Variants in CADM2 observed in about 807,000 individuals in gnomAD.
CADM2 encodes the protein cell adhesion molecule 2.
CADM2 carries 12 observed loss-of-function variants against 49.8 expected under a neutral mutation model. The observed-to-expected ratio is 0.24, with a 90% CI of 0.15 to 0.39. CADM2 has a LOEUF of 0.39. CADM2 is among the 10% of genes least tolerant of loss of function. The pLI is 1.00. For synonymous variants in CADM2, 214 were observed against 175.4 expected (o/e 1.22, Z -1.74); for missense variants, 378 against 492.3 (o/e 0.77, Z 2.20).
intron 1 of CADM2, among the ~76,000 whole-genome samples, chr3:85,088,067 A>G (rs948458258): frequency 6.6e-6 from 1 of 152,208 alleles, no homozygotes; most frequent in Non-Finnish European, 1.5e-5. Context: ...TGAGGACTGA[A>G]TAGATGAAAC....
intron 1 of CADM2, among the ~76,000 whole-genome samples, chr3:85,677,970 A>G (rs370497600): frequency 1.3e-5 from 2 of 152,368 alleles, no homozygotes; most frequent in African/African-American, 2.4e-5. Context: ...ACCATGATTT[A>G]CTATGCCTAC....
chr3:85,641,675 C>T (rs2064718991), intron 1 of CADM2, among the ~76,000 whole-genome samples: 1 of 151,834 alleles, frequency 6.6e-6, no homozygotes, highest in Non-Finnish European at 1.5e-5. Context: ...GCCTGTAATC[C>T]CAGCACTTTG....
At chr3:85,669,003 CTGAGA>C (rs1166866006) in intron 1 of CADM2, among the ~76,000 whole-genome samples, 1 of 152,004 alleles carries the variant, frequency 6.6e-6, no homozygotes, top group Non-Finnish European at 1.5e-5. Context: ...ATTTTAAGAG[CTGAGA>C]TAATTTCACC....
chr3:85,122,519 C>T (rs1408363956), intron 1 of CADM2, among the ~76,000 whole-genome samples: 2 of 152,074 alleles, frequency 1.3e-5, no homozygotes, highest in East Asian at 3.9e-4. Context: ...ATCCATTACT[C>T]TTTATTTCTC....
intron 1 of CADM2, among the ~76,000 whole-genome samples, chr3:85,410,553 A>G (rs569238454): frequency 6.6e-6 from 1 of 152,274 alleles, no homozygotes; most frequent in South Asian, 2.1e-4. Context: ...GATTTTTTAA[A>G]AAGGATTTGG....
intron 2 of CADM2, among the ~76,000 whole-genome samples, chr3:85,742,070 C>T (rs2107829014): frequency 6.6e-6 from 1 of 152,288 alleles, no homozygotes. Flanking sequence ...GGACGTTTTC[C>T]AGCAGTACCT....
intron 1 of CADM2, among the ~76,000 whole-genome samples, chr3:85,086,203 C>G (rs1231023782): frequency 6.6e-6 from 1 of 152,048 alleles, no homozygotes; most frequent in East Asian, 1.9e-4. Context: ...AATAGGCGTT[C>G]TATCTCAGAA....
At chr3:85,769,501 ATG>A (rs1491293790) in intron 2 of CADM2, among the ~76,000 whole-genome samples, 2 of 67,738 alleles carry the variant, frequency 3.0e-5, no homozygotes, top group Admixed American at 2.0e-4. Context: ...ATATACATAT[ATG>A]TATATATACA....
intron 1 of CADM2, among the ~76,000 whole-genome samples, chr3:85,364,526 G>A (rs541242660): frequency 6.6e-6 from 1 of 152,232 alleles, no homozygotes; most frequent in South Asian, 2.1e-4. Context: ...AACCTTCAGA[G>A]GGCTTCAGCA....
chr3:85,176,417 A>T lies in CADM2; in HGVS notation c.61+216749A>T, dbSNP rs542782766. Among the ~76,000 whole-genome samples, 355 of 152,314 alleles carry T rather than the reference A, an allele frequency of 2.3e-3. 2 individuals carry two copies. The highest frequency in any genetic ancestry group is 8.1e-3 in the African/African-American group (338 of 41,568). On this transcript the variant is annotated intron_variant, in intron 1 of 9. Coordinates refer to ENST00000383699, the MANE Select transcript of CADM2 (RefSeq NM_001167675.2). ...GTCAATTCTATTGGGAATAATTTTG[A>T]AATGATAACTTTGAAACAGTTTCAT...
chr3:85,530,428 T>C (rs1378166160), intron 1 of CADM2, among the ~76,000 whole-genome samples: 1 of 99,194 alleles, frequency 1.0e-5, no homozygotes, highest in Non-Finnish European at 2.5e-5. Context: ...CCTCCCGGGT[T>C]CACGCCATTC....
chr3:85,538,074 A>G (rs2061463175), intron 1 of CADM2, among the ~76,000 whole-genome samples: 1 of 152,132 alleles, frequency 6.6e-6, no homozygotes, highest in South Asian at 2.1e-4. Flanking sequence ...CCTTATCAAT[A>G]AAACCAAGAT....
At chr3:85,650,348 GA>G (rs2065008278) in intron 1 of CADM2, among the ~76,000 whole-genome samples, 1 of 152,040 alleles carries the variant, frequency 6.6e-6, no homozygotes, top group South Asian at 2.1e-4. Context: ...TGTTTTAAAA[GA>G]CAAGCAAATA....
intron 3 of CADM2, among the ~76,000 whole-genome samples, chr3:85,839,516 T>A (rs1312261756): frequency 6.6e-6 from 1 of 151,856 alleles, no homozygotes; most frequent in Non-Finnish European, 1.5e-5. Context: ...ACTATTTCTT[T>A]GTACTAGCTA....
chr3:85,344,210 C>T (rs999312340), intron 1 of CADM2, among the ~76,000 whole-genome samples: 1 of 149,238 alleles, frequency 6.7e-6, no homozygotes, highest in East Asian at 2.0e-4. Context: ...CCCATCTCTA[C>T]TAAAAATACA....
intron 8 of CADM2, among the ~76,000 whole-genome samples, chr3:85,997,087 A>C (rs1729522672): frequency 1.3e-5 from 2 of 152,212 alleles, no homozygotes; most frequent in Non-Finnish European, 2.9e-5. Context: ...CAAGGCTGTC[A>C]CTTTCATCTC....
chr3:85,184,898 AT>A (rs887961573), intron 1 of CADM2, among the ~76,000 whole-genome samples: 2 of 152,124 alleles, frequency 1.3e-5, no homozygotes, highest in African/African-American at 2.4e-5. Context: ...AAAACTTTGC[AT>A]TGCCTTGAAT....
At chr3:85,697,106 AT>A (rs1359673543) in intron 1 of CADM2, among the ~76,000 whole-genome samples, 1 of 134,880 alleles carries the variant, frequency 7.4e-6, no homozygotes, top group African/African-American at 2.5e-5. Flanking sequence ...TGCCATATAT[AT>A]ATATGGCATA....
At position 85,761,367 on chromosome 3, in the gene CADM2, C is replaced by CATTTTTTTTTTTTT. The variant is rs1435295947; in HGVS notation, c.88+34819_88+34820insATTTTTTTTTTTTT. 2.0e-5 allele frequency among the ~76,000 whole-genome samples: 2 copies of CATTTTTTTTTTTTT among 101,090 alleles called. 1 individual carries two copies. The allele number at this position is 101,090 out of a possible 152,430, so 66.3% of individuals were successfully genotyped here. ...AAAACTGTTGATATACAACACAAAA[C>CATTTTTTTTTTTTT]TTTTTTTTTTTTTTTTTTTTTTTGG... On this transcript the variant is annotated intron_variant, in intron 2 of 9. Transcript: ENST00000383699.
Sources: allele counts gnomAD v4.1 joint callset (sites outside exome capture counted in the v4.1 genomes callset), GRCh38; gene constraint gnomAD v4.1.1; transcripts MANE v1.5; gene names NCBI Gene and HGNC (gene_info 2026-07-23, HGNC 2026-07-21).